Variants in ATG7 observed in about 807,000 individuals in gnomAD.
ATG7 encodes autophagy related 7.
In ATG7, 70 loss-of-function variants were observed where a neutral mutation model predicts 82.4. That is an observed-to-expected ratio of 0.85 (90% CI 0.70 to 1.04). The LOEUF (loss-of-function observed/expected upper bound fraction) is 1.04. Among genes scored for constraint, ATG7 ranks in the 50% least tolerant of loss-of-function variants. The pLI is 0.00. For synonymous variants in ATG7, 287 were observed against 313.0 expected, an observed-to-expected ratio of 0.92 and a Z score of 0.88; for missense variants, 792 against 864.3, an observed-to-expected ratio of 0.92 and a Z score of 1.05.
At chr3:11,543,348 C>G (rs968072535) in intron 20 of ATG7, among the ~76,000 whole-genome samples, 1 of 152,186 alleles carries the variant, frequency 6.6e-6, no homozygotes, top group Non-Finnish European at 1.5e-5. Context: ...GCTGGGAGAA[C>G]TCCTCCCTCA....
intron 20 of ATG7, among the ~76,000 whole-genome samples, chr3:11,537,889 T>A (rs1057075719): frequency 2.0e-5 from 3 of 152,020 alleles, no homozygotes; most frequent in Non-Finnish European, 4.4e-5. Flanking sequence ...AGAGCCCGGA[T>A]CCAAAATTGG....
At chr3:11,442,739 C>CCAAAA (rs1553668928) in intron 20 of ATG7, among the ~76,000 whole-genome samples, 8,093 of 69,168 alleles carry the variant, frequency 0.12, 1,842 homozygotes, top group East Asian at 0.19. Flanking sequence ...TCCATCTCTA[C>CCAAAA]AAAAAAAAAA....
chr3:11,398,105 T>G (rs899684099), intron 19 of ATG7, among the ~76,000 whole-genome samples: 1 of 151,714 alleles, frequency 6.6e-6, no homozygotes, highest in Non-Finnish European at 1.5e-5. Context: ...AAGGAAAATT[T>G]TAATGAATTA....
At chr3:11,441,829 G>C (rs1364620638) in intron 20 of ATG7, among the ~76,000 whole-genome samples, 1 of 151,444 alleles carries the variant, frequency 6.6e-6, no homozygotes, top group Non-Finnish European at 1.5e-5. Flanking sequence ...ACCACACCTG[G>C]CTAATTTTCA....
downstream of ATG7, among the ~76,000 whole-genome samples, chr3:11,561,153 C>T (rs554167195): frequency 1.1e-4 from 17 of 152,276 alleles, no homozygotes; most frequent in East Asian, 2.9e-3. Flanking sequence ...CCCAATAAAA[C>T]TCCCTTTTGT....
At position 11,357,012 on chromosome 3, in the gene ATG7, T is replaced by C. The variant is rs1368140840; in HGVS notation, c.1285-1406T>C. On this transcript the variant is annotated intron_variant, in intron 14 of 20. Coordinates refer to ENST00000693202, the MANE Select transcript of ATG7 (RefSeq NM_001349232.2). ...TCTTCCTTTCTTGAATTCCAGAGAT[T>C]AGGTTTAAAGTTGAAGATAATAAAA... Among the ~76,000 whole-genome samples the C allele has an allele frequency of 2.0e-5, 3 of 152,234 alleles. No homozygotes were observed. In the East Asian group the frequency reaches 5.8e-4, roughly 29 times the overall value.
chr3:11,371,842 C>T (rs1234827878), intron 18 of ATG7, among the ~76,000 whole-genome samples: 3 of 151,312 alleles, frequency 2.0e-5, no homozygotes, highest in Non-Finnish European at 4.4e-5. Context: ...ACCTTGTTCC[C>T]AGTGCACATC....
chr3:11,531,484 CCT>C (rs759526873), intron 20 of ATG7, among the ~76,000 whole-genome samples: 38 of 152,336 alleles, frequency 2.5e-4, no homozygotes, highest in Non-Finnish European at 5.1e-4. Flanking sequence ...AGGGTGCTCA[CCT>C]CTCTGTAGAT....
intron 20 of ATG7, among the ~76,000 whole-genome samples, chr3:11,546,640 T>C (rs2071315782): frequency 6.6e-6 from 1 of 152,250 alleles, no homozygotes; most frequent in Non-Finnish European, 1.5e-5. Context: ...AATTGGATGA[T>C]GAGGGCTCCT....
At chr3:11,344,487 G>A (rs1161526238) in intron 13 of ATG7, among the ~76,000 whole-genome samples, 1 of 152,150 alleles carries the variant, frequency 6.6e-6, no homozygotes, top group African/African-American at 2.4e-5. Context: ...CTAATGTTGA[G>A]CATTCCTAGA....
chr3:11,537,040 G>A (rs1378806235), intron 20 of ATG7, among the ~76,000 whole-genome samples: 2 of 151,942 alleles, frequency 1.3e-5, no homozygotes, highest in Non-Finnish European at 2.9e-5. Context: ...CCCTCTCCGC[G>A]GACCCTCTGA....
intron 20 of ATG7, among the ~76,000 whole-genome samples, chr3:11,481,822 T>A (rs1421446015): frequency 7.6e-4 from 116 of 152,312 alleles, no homozygotes; most frequent in Non-Finnish European, 1.4e-3. Flanking sequence ...AGTCATTTAA[T>A]CTTTGTGGAC....
At chr3:11,284,934 C>T (rs1230789858) in intron 3 of ATG7, among the ~76,000 whole-genome samples, 1 of 151,200 alleles carries the variant, frequency 6.6e-6, no homozygotes, top group Admixed American at 6.6e-5. Context: ...GCAAGCTCCG[C>T]CTCCCGGGTT....
At chr3:11,347,420 G>A (rs551682575) in intron 13 of ATG7, among the ~76,000 whole-genome samples, 1 of 152,302 alleles carries the variant, frequency 6.6e-6, no homozygotes, top group African/African-American at 2.4e-5. Flanking sequence ...ATCATACAGT[G>A]GGAAATAATT....
intron 19 of ATG7, among the ~76,000 whole-genome samples, chr3:11,419,826 G>A (rs1265121173): frequency 6.6e-6 from 1 of 152,196 alleles, no homozygotes. Flanking sequence ...TCCAAGGTGT[G>A]TGTGTTCATA....
intron 20 of ATG7, among the ~76,000 whole-genome samples, chr3:11,443,197 C>G (rs2084172567): frequency 6.6e-6 from 1 of 152,206 alleles, no homozygotes; most frequent in African/African-American, 2.4e-5. Context: ...CACCTCCAGC[C>G]TGCTCAGCTG....
At chr3:11,360,997 G>T (rs577260052) in intron 16 of ATG7, among the ~76,000 whole-genome samples, 5 of 152,060 alleles carry the variant, frequency 3.3e-5, no homozygotes, top group African/African-American at 4.8e-5. Flanking sequence ...ATATAAACGC[G>T]GCTACAAACC....
chr3:11,535,800 C>T (rs748082038), intron 20 of ATG7, among the ~76,000 whole-genome samples: 2 of 152,216 alleles, frequency 1.3e-5, no homozygotes, highest in Non-Finnish European at 2.9e-5. Context: ...TGGGGCATTT[C>T]AGAACTCCCG....
chr3:11,556,838 G>C lies in ATG7; in HGVS notation c.*1995G>C, dbSNP rs2072468045. On this transcript the variant is annotated 3_prime_UTR_variant, in exon 21 of 21. Transcript: ENST00000693202. ...TATAGGGGCCTGAATGCCAAAGCTT[G>C]GAAGCCCAGTACAGTGGGAGTGAAA... 1 of 152,758 alleles carries C rather than the reference G, an allele frequency of 6.5e-6. No homozygotes were observed. The highest frequency in any genetic ancestry group is 1.5e-5 in the Non-Finnish European group (1 of 68,026). 9.5% of individuals were successfully genotyped at this position (152,758 alleles called of 1,614,324 possible). A position where few individuals can be genotyped will look rare whatever the true frequency, so the allele number is the denominator to read the frequency against.
Sources: gnomAD v4.1 joint callset for allele counts (sites outside exome capture counted in the v4.1 genomes callset) on GRCh38, gnomAD v4.1.1 for gene constraint, MANE v1.5 for transcripts, NCBI Gene and HGNC (gene_info 2026-07-23, HGNC 2026-07-21) for gene names.